The following BMPR1B variants were observed in gnomAD, a reference collection of about 807,000 sequenced individuals.
The protein encoded by BMPR1B is bone morphogenetic protein receptor type 1B, also known as bone morphogenetic protein receptor type-1B.
Under a neutral mutation model 59.1 loss-of-function variants are expected in BMPR1B, and 12 were observed. The ratio of observed to expected loss-of-function variants is 0.20; its 90% CI spans 0.13 to 0.33. The LOEUF is 0.33. Among genes scored for constraint, BMPR1B ranks in the 10% least tolerant of loss-of-function variants. BMPR1B has a pLI of 1.00. For missense variants in BMPR1B, 550 were observed against 610.9 expected (o/e 0.90, Z 1.05); for synonymous variants, 237 against 207.3 (o/e 1.14, Z -1.23).
intron 1 of BMPR1B, among the ~76,000 whole-genome samples, chr4:94,835,346 T>C (rs1724764104): frequency 6.6e-6 from 1 of 152,168 alleles, no homozygotes; most frequent in South Asian, 2.1e-4. Context: ...TAAGAGAATT[T>C]TTTAAAATAT....
intron 3 of BMPR1B, among the ~76,000 whole-genome samples, chr4:95,005,634 A>G (rs1722768333): frequency 6.6e-6 from 1 of 151,012 alleles, no homozygotes; most frequent in African/African-American, 2.4e-5. Flanking sequence ...TTTCTTTCCT[A>G]GTTTTTCTTT....
At chr4:94,944,520 G>A (rs542967675) in intron 2 of BMPR1B, among the ~76,000 whole-genome samples, 2 of 152,126 alleles carry the variant, frequency 1.3e-5, no homozygotes, top group African/African-American at 4.8e-5. Context: ...CATGCTTACT[G>A]TGTAGACATG....
At chr4:94,981,484 G>T (rs947582541) in intron 2 of BMPR1B, among the ~76,000 whole-genome samples, 1 of 152,068 alleles carries the variant, frequency 6.6e-6, no homozygotes, top group Admixed American at 6.5e-5. Context: ...GGAACTCTTA[G>T]GACTCTCACA....
chr4:94,918,901 A>G (rs907015654), intron 2 of BMPR1B, among the ~76,000 whole-genome samples: 5 of 151,580 alleles, frequency 3.3e-5, no homozygotes, highest in Non-Finnish European at 7.4e-5. Context: ...TGTTCCCTCC[A>G]TTATTTTATT....
intron 3 of BMPR1B, among the ~76,000 whole-genome samples, chr4:95,047,977 G>C (rs1226005889): frequency 3.9e-5 from 6 of 152,082 alleles, no homozygotes; most frequent in Non-Finnish European, 8.8e-5. Context: ...GTAGGCCCCA[G>C]TGTCTGTTGT....
intron 3 of BMPR1B, among the ~76,000 whole-genome samples, chr4:95,027,619 A>T (rs539581567): frequency 6.6e-6 from 1 of 152,202 alleles, no homozygotes; most frequent in Non-Finnish European, 1.5e-5. Context: ...ATTTCAAGGT[A>T]CTTTCCACAT....
chr4:94,858,889 C>T (rs562191518), intron 1 of BMPR1B, among the ~76,000 whole-genome samples: 10 of 152,304 alleles, frequency 6.6e-5, no homozygotes, highest in Admixed American at 6.5e-4. Context: ...TTAAATTCTT[C>T]TAATTATTCA....
chr4:94,951,341 G>C (rs887378544), intron 2 of BMPR1B, among the ~76,000 whole-genome samples: 2 of 152,166 alleles, frequency 1.3e-5, no homozygotes, highest in East Asian at 3.8e-4. Context: ...GGGCATACTT[G>C]TCTTGTGCTG....
chr4:94,954,861 A>C (rs375754205), intron 2 of BMPR1B, among the ~76,000 whole-genome samples: 3 of 152,288 alleles, frequency 2.0e-5, no homozygotes, highest in African/African-American at 7.2e-5. Flanking sequence ...TTATTGTATG[A>C]AAATTATTTA....
At chr4:95,015,697 ATT>A (rs36121172) in intron 3 of BMPR1B, among the ~76,000 whole-genome samples, 25 of 145,026 alleles carry the variant, frequency 1.7e-4, no homozygotes, top group Non-Finnish European at 2.0e-4. Context: ...CTGGAACATC[ATT>A]TTTTTTTTTT....
chr4:94,776,636 A>G (rs770820235), intron 1 of BMPR1B, among the ~76,000 whole-genome samples: 4 of 152,266 alleles, frequency 2.6e-5, no homozygotes, highest in Non-Finnish European at 5.9e-5. Flanking sequence ...AATGCTGTCT[A>G]GAGAACAACA....
chr4:95,147,166 G>A (rs1734712078), intron 10 of BMPR1B, among the ~76,000 whole-genome samples: 1 of 151,960 alleles, frequency 6.6e-6, no homozygotes, highest in Non-Finnish European at 1.5e-5. Context: ...GGCCTAATGA[G>A]TACACTGATG....
intron 2 of BMPR1B, among the ~76,000 whole-genome samples, chr4:94,975,374 T>G (rs1438811560): frequency 2.7e-5 from 4 of 146,272 alleles, no homozygotes; most frequent in African/African-American, 1.0e-4. Flanking sequence ...TTTTTTTTTT[T>G]TTTTTTTGAG....
At chr4:94,856,566 T>G (rs1725762405) in intron 1 of BMPR1B, among the ~76,000 whole-genome samples, 1 of 152,232 alleles carries the variant, frequency 6.6e-6, no homozygotes, top group African/African-American at 2.4e-5. Context: ...AAGGTCCTGC[T>G]GCAGTCCAGA....
chr4:94,871,204 CT>C (rs544345568), intron 1 of BMPR1B, among the ~76,000 whole-genome samples: 2 of 152,108 alleles, frequency 1.3e-5, no homozygotes, highest in South Asian at 2.1e-4. Context: ...ACTCCAAGAC[CT>C]GTTTCTTTGC....
At chr4:94,791,322 T>C (rs1051126416) in intron 1 of BMPR1B, among the ~76,000 whole-genome samples, 1 of 152,172 alleles carries the variant, frequency 6.6e-6, no homozygotes, top group Non-Finnish European at 1.5e-5. Context: ...AATATCATCA[T>C]GATGATTCTA....
intron 1 of BMPR1B, among the ~76,000 whole-genome samples, chr4:94,795,737 T>G (rs1315289549): frequency 1.3e-5 from 2 of 152,138 alleles, no homozygotes; most frequent in African/African-American, 4.8e-5. Context: ...GTGCTGGGAT[T>G]ACAGGTGTGA....
chr4:95,049,596 A>T (rs1411141576), intron 3 of BMPR1B, among the ~76,000 whole-genome samples: 2 of 151,592 alleles, frequency 1.3e-5, no homozygotes, highest in African/African-American at 2.4e-5. Context: ...GATTGTACTC[A>T]TGCTGTTGCA....
intron 2 of BMPR1B, among the ~76,000 whole-genome samples, chr4:94,883,521 G>A (rs17022456): frequency 0.079 from 11,954 of 151,790 alleles, 1,229 homozygotes; most frequent in African/African-American, 0.24. Context: ...AATATTTGAG[G>A]TTGTTTATGT....
Sources: allele counts gnomAD v4.1 joint callset (sites outside exome capture counted in the v4.1 genomes callset), GRCh38; gene constraint gnomAD v4.1.1; transcripts MANE v1.5; gene names NCBI Gene and HGNC (gene_info 2026-07-23, HGNC 2026-07-21).